The following RASGRP1 variants were observed in gnomAD, a reference collection of about 807,000 sequenced individuals.
RASGRP1 encodes RAS guanyl-releasing protein 1.
RASGRP1 carries 37 observed loss-of-function variants against 95.1 expected under a neutral mutation model. The ratio of observed to expected loss-of-function variants is 0.39; its 90% CI spans 0.30 to 0.51. RASGRP1 has a LOEUF of 0.51. Ranked by LOEUF, RASGRP1 falls within the 20% of genes least tolerant of loss-of-function variation. RASGRP1 has a pLI of 0.80. For missense variants in RASGRP1, 711 were observed against 965.4 expected (o/e 0.74, Z 3.49); for synonymous variants, 325 against 353.4 (o/e 0.92, Z 0.90).
Position 38,501,297 on chromosome 15 carries a change from G to A in RASGRP1, c.1539-10C>T, listed in dbSNP as rs775488396. On this transcript the variant is annotated splice_polypyrimidine_tract_variant and intron_variant, in intron 12 of 16. Transcript: ENST00000310803. Reference sequence around the variant, plus strand: ...GCTGATGAGGCCTTCCCTGCCGGCAGATGACCAAGGCAAGGATGTGAGTAT... The same window carrying A: ...GCTGATGAGGCCTTCCCTGCCGGCAAATGACCAAGGCAAGGATGTGAGTAT... The A allele has an allele frequency of 4.3e-6, 7 of 1,613,128 alleles. No homozygotes were observed. The South Asian group carries it at 7.7e-5, about 18-fold the overall frequency.
chr15:38,553,744 A>T (rs1159743013), intron 2 of RASGRP1, among the ~76,000 whole-genome samples: 1 of 152,190 alleles, frequency 6.6e-6, no homozygotes, highest in African/African-American at 2.4e-5. Context: ...TTGAGAAGAG[A>T]TAGGAATGCA....
In RASGRP1 at chr15:38,490,352, T is replaced by C. The variant is rs982481104; in HGVS notation, c.*202A>G. 1 of 447,594 alleles carries C rather than the reference T, an allele frequency of 2.2e-6. No individual in the cohort carries two copies. The highest frequency in any genetic ancestry group is 3.7e-6 in the Non-Finnish European group (1 of 272,594). The allele number at this position is 447,594 out of a possible 1,614,324, so 27.7% of individuals were successfully genotyped here. ...TAGCAAAAGTTTTGCATTCTTTAGT[T>C]TTCCCCCTTTGAGTCAACTAACTGA... On this transcript the variant is annotated 3_prime_UTR_variant, in exon 17 of 17. Coordinates refer to ENST00000310803, the MANE Select transcript of RASGRP1 (RefSeq NM_005739.4).
intron 3 of RASGRP1, among the ~76,000 whole-genome samples, chr15:38,520,657 C>G (rs1199467975): frequency 2.0e-5 from 3 of 152,020 alleles, no homozygotes; most frequent in Non-Finnish European, 4.4e-5. Context: ...TAAATTTAAT[C>G]TATTAGAGTT....
chr15:38,494,965 A>G (rs1890739467), intron 15 of RASGRP1, among the ~76,000 whole-genome samples, 198 bp from the exon 16 acceptor site: 1 of 152,224 alleles, frequency 6.6e-6, no homozygotes, highest in African/African-American at 2.4e-5. Flanking sequence ...ACTGGTGTCA[A>G]GCTACATCCA....
chr15:38,537,708 C>T (rs1892710174), intron 2 of RASGRP1, among the ~76,000 whole-genome samples: 1 of 152,178 alleles, frequency 6.6e-6, no homozygotes, highest in African/African-American at 2.4e-5. Context: ...CCATCTCCAA[C>T]ATTACATTTC....
chr15:38,518,154 C>T, intron 5 of RASGRP1, 138 bp downstream of exon 5: 1 of 778,156 alleles, frequency 1.3e-6, no homozygotes, highest in Non-Finnish European at 2.1e-6. Context: ...CAGTTTGAAC[C>T]TGTGTATTTG....
At chr15:38,528,723 T>C (rs577931082) in intron 2 of RASGRP1, among the ~76,000 whole-genome samples, 3 of 152,206 alleles carry the variant, frequency 2.0e-5, no homozygotes, top group Non-Finnish European at 4.4e-5. Context: ...AAATTAAAAA[T>C]AAAACACTTT....
rs1241963258 is a variant in RASGRP1, at chr15:38,490,204, C to G, written c.*350G>C. The G allele has an allele frequency of 1.2e-5, 2 of 171,194 alleles. No homozygotes were observed. The highest frequency in any genetic ancestry group is 4.7e-5 in the African/African-American group (2 of 42,262). 10.6% of individuals were successfully genotyped at this position (171,194 alleles called of 1,614,324 possible). On this transcript the variant is annotated 3_prime_UTR_variant, in exon 17 of 17. Coordinates refer to ENST00000310803, the MANE Select transcript of RASGRP1 (RefSeq NM_005739.4). ...GAAAACACAGGGTAAGAAGCAAATC[C>G]ATTTTCCAGAGATTTTAGTTTTAAG...
chr15:38,517,346 A>C (rs889828593), intron 5 of RASGRP1, among the ~76,000 whole-genome samples: 10 of 152,198 alleles, frequency 6.6e-5, no homozygotes, highest in African/African-American at 2.2e-4. Context: ...CCTGGGCTCT[A>C]ATTTCATCTT....
At chr15:38,504,335 TTGTTA>T (rs1283201679) in intron 10 of RASGRP1, 2 of 152,238 alleles carry the variant, frequency 1.3e-5, no homozygotes, top group Admixed American at 1.3e-4. Flanking sequence ...TTTTACTCTT[TTGTTA>T]TGACACTTAG....
At chr15:38,492,696 T>C (rs1054058040) in intron 16 of RASGRP1, among the ~76,000 whole-genome samples, 3 of 152,180 alleles carry the variant, frequency 2.0e-5, no homozygotes, top group Non-Finnish European at 4.4e-5. Flanking sequence ...CATGGGACAG[T>C]AGTTTCTTAC....
chr15:38,530,172 G>A (rs1015822864), intron 2 of RASGRP1, among the ~76,000 whole-genome samples: 1 of 152,170 alleles, frequency 6.6e-6, no homozygotes, highest in Non-Finnish European at 1.5e-5. Flanking sequence ...GGGTGCTGCT[G>A]GGGGCCCTAG....
At chr15:38,526,559 C>A (rs1252347791) in intron 2 of RASGRP1, among the ~76,000 whole-genome samples, 155 bp from the exon 3 acceptor site, 1 of 152,138 alleles carries the variant, frequency 6.6e-6, no homozygotes, top group African/African-American at 2.4e-5. Flanking sequence ...TTTTTCTCAT[C>A]CTCCTGCTAC....
intron 14 of RASGRP1, among the ~76,000 whole-genome samples, chr15:38,499,506 AAG>A: frequency 6.6e-6 from 1 of 152,180 alleles, no homozygotes; most frequent in African/African-American, 2.4e-5. Flanking sequence ...CCACGACAGA[AAG>A]AGGATTTTAT....
intron 3 of RASGRP1, among the ~76,000 whole-genome samples, chr15:38,521,396 C>T (rs899664977): frequency 3.3e-5 from 5 of 152,268 alleles, no homozygotes; most frequent in African/African-American, 1.2e-4. Flanking sequence ...GCTCCTTATC[C>T]TTCCCTTCAA....
intron 2 of RASGRP1, among the ~76,000 whole-genome samples, chr15:38,544,123 A>C (rs1461228417): frequency 6.6e-6 from 1 of 152,144 alleles, no homozygotes; most frequent in Non-Finnish European, 1.5e-5. Context: ...TCTAGGGCTA[A>C]AGTAGCCCAA....
intron 2 of RASGRP1, among the ~76,000 whole-genome samples, chr15:38,541,147 T>C (rs917587595): frequency 6.6e-6 from 1 of 152,158 alleles, no homozygotes; most frequent in Non-Finnish European, 1.5e-5. Context: ...CTTTACAGAG[T>C]ACTTTCACAT....
Position 38,507,999 on chromosome 15 carries a change from A to G in RASGRP1, c.969T>C (p.Val323=). The part of the protein sequence containing the change: ...SSHVPHEINK[V]LGEMTELLSS... The stretch of plus-strand genomic sequence containing the variant: ...ACAGCAGCTCAGTCATCTCACCGAG[A>G]ACCTACAAAGCAGAACAGACCAATC... The change falls in exon 9 of 17, where the codon GTT becomes GTC. Residue 323 remains valine (V), a splice_region_variant and synonymous_variant. Transcript: ENST00000310803. 6.2e-7 allele frequency: 1 copy of G among 1,600,642 alleles called. No homozygotes were observed. The highest frequency in any genetic ancestry group is 8.5e-7 in the Non-Finnish European group (1 of 1,174,136).
At chr15:38,529,141 T>C (rs1233995409) in intron 2 of RASGRP1, among the ~76,000 whole-genome samples, 1 of 152,240 alleles carries the variant, frequency 6.6e-6, no homozygotes, top group East Asian at 1.9e-4. Flanking sequence ...GCCACCATGA[T>C]GCAATGACTT....
Sources: gnomAD v4.1 joint callset for allele counts (sites outside exome capture counted in the v4.1 genomes callset) on GRCh38, gnomAD v4.1.1 for gene constraint, MANE v1.5 for transcripts, NCBI Gene and HGNC (gene_info 2026-07-23, HGNC 2026-07-21) for gene names.